GPRC5C: variants seen among roughly 807,000 people sequenced by gnomAD.
GPRC5C encodes the protein G protein-coupled receptor family C group 5 member C.
GPRC5C carries 22 observed loss-of-function variants against 31.4 expected under a neutral mutation model. That is an observed-to-expected ratio of 0.70 (90% CI 0.50 to 1.00). GPRC5C has a LOEUF of 1.00. Ranked by LOEUF, GPRC5C falls within the 50% of genes least tolerant of loss-of-function variation. The probability of loss-of-function intolerance (pLI) is 0.00; values close to 1 mark genes in which losing one functional copy is unlikely to be tolerated. For synonymous variants in GPRC5C, 249 were observed against 257.5 expected (o/e 0.97, Z 0.32); for missense variants, 557 against 597.2 (o/e 0.93, Z 0.70).
At chr17:74,438,181 C>T (rs1181220604) in intron 1 of GPRC5C, among the ~76,000 whole-genome samples, 1 of 135,518 alleles carries the variant, frequency 7.4e-6, no homozygotes, top group Non-Finnish European at 1.5e-5. Context: ...ACTACAGGTG[C>T]ATGCCACCAC....
intron 2 of GPRC5C, 111 bp from the exon 3 acceptor site, chr17:74,443,707 T>A: frequency 1.1e-6 from 1 of 885,494 alleles, no homozygotes; most frequent in South Asian, 1.3e-5. Context: ...AGGGTTGGCC[T>A]GCCCCCTTTA....
chr17:74,432,153 C>T lies in GPRC5C; in HGVS notation c.-33+12C>T. The T allele has an allele frequency of 6.2e-7, 1 of 1,607,310 alleles. No individual in the cohort carries two copies. Among genetic ancestry groups the T allele is most frequent in the Non-Finnish European group, 8.5e-7 (1 of 1,177,206 alleles). Reference sequence around the variant, plus strand: ...GGCTCAGCCTGGAGGTGAGTCGGGGCGGGGAGGGCCGGGCAGGCTTTGTTC... The same window carrying T: ...GGCTCAGCCTGGAGGTGAGTCGGGGTGGGGAGGGCCGGGCAGGCTTTGTTC... On this transcript the variant is annotated intron_variant, in intron 1 of 3. Transcript: ENST00000392627.
intron 3 of GPRC5C, among the ~76,000 whole-genome samples, chr17:74,444,651 G>A (rs1461077195): frequency 2.6e-5 from 4 of 152,152 alleles, no homozygotes; most frequent in Non-Finnish European, 5.9e-5. Flanking sequence ...GGGGAGGTGA[G>A]TGTGGCTGAA....
At chr17:74,435,466 G>A (rs1183044750) in intron 1 of GPRC5C, among the ~76,000 whole-genome samples, 4 of 152,210 alleles carry the variant, frequency 2.6e-5, no homozygotes, top group Non-Finnish European at 5.9e-5. Flanking sequence ...TGTTTCCTCT[G>A]AGGCTGTTAA....
chr17:74,437,610 CA>C (rs1450974724), intron 1 of GPRC5C, among the ~76,000 whole-genome samples: 1 of 143,754 alleles, frequency 7.0e-6, no homozygotes, highest in African/African-American at 2.8e-5. Context: ...TGTTCTTTCA[CA>C]TAACAATTAT....
At chr17:74,447,432 C>A, downstream of GPRC5C, 1 of 888,892 alleles carries the variant, frequency 1.1e-6, no homozygotes, top group Non-Finnish European at 1.4e-6. Flanking sequence ...TTTATTAACT[C>A]TTGCTCTGGG....
chr17:74,443,824 G>A lies in GPRC5C; in HGVS notation c.1058G>A (p.Arg353Lys), dbSNP rs1310127380. ...TTCCTGCTTTTCCTTGTAGCTAAGA[G>A]GCCGGTGTCACCATACAGCGGGTAC... ...FSMDEPVAAK[R>K]PVSPYSGYNG... The change falls in exon 3 of 4, where the codon AGG becomes AAG. Residue 353 changes from arginine to lysine, a missense_variant. Transcript: ENST00000392627. 11 of 1,610,526 alleles carry A rather than the reference G, an allele frequency of 6.8e-6. No homozygotes were observed. Among genetic ancestry groups the A allele is most frequent in the Non-Finnish European group, 9.3e-6 (11 of 1,176,846 alleles).
At position 74,447,360 on chromosome 17, in the gene GPRC5C, CG is replaced by C; in HGVS notation, c.*333del. 1 of 1,070,524 alleles carries C rather than the reference CG, an allele frequency of 9.3e-7. No homozygotes were observed. Among genetic ancestry groups the C allele is most frequent in the Non-Finnish European group, 1.1e-6 (1 of 883,374 alleles). The allele number at this position is 1,070,524 out of a possible 1,614,324, so 66.3% of individuals were successfully genotyped here. ...CTGCAACCTCAAGAGACTTCCCAGG[CG>C]CTCAGGCCTGGATCTTGCTCCTCTG... On this transcript the variant is annotated 3_prime_UTR_variant, in exon 4 of 4. Transcript: ENST00000392627.
In GPRC5C at chr17:74,440,665, A is replaced by G. The variant is rs1288176270; in HGVS notation, c.889A>G (p.Ile297Val). 12 of 1,607,848 alleles carry G rather than the reference A, an allele frequency of 7.5e-6. No individual in the cohort carries two copies. In the Admixed American group the frequency reaches 2.0e-4, roughly 27 times the overall value. ...NAWAFVLFYV[I>V]PEVSQVTKSS... The stretch of plus-strand genomic sequence containing the variant: ...CTGGGCCTTCGTCCTCTTCTACGTC[A>G]TCCCCGAGGTCTCCCAGGTGACCAA... The change falls in exon 2 of 4, where the codon ATC becomes GTC. Residue 297 changes from isoleucine (I) to valine (V), a missense_variant. Coordinates refer to ENST00000392627, the MANE Select transcript of GPRC5C (RefSeq NM_022036.4). The surrounding 1 kb of genome is among the most constrained non-coding windows in gnomAD (Gnocchi z 4.4).
chr17:74,439,723 T>C (rs1217779523), intron 1 of GPRC5C, 22 bp from the exon 2 acceptor site: 1 of 1,572,592 alleles, frequency 6.4e-7, no homozygotes, highest in African/African-American at 1.4e-5. Context: ...ACTAATTTTG[T>C]CCCTTTTCCT....
At position 74,440,298 on chromosome 17, in the gene GPRC5C, G is replaced by T. The variant is rs1246057768; in HGVS notation, c.522G>T (p.Trp174Cys). 6.2e-7 allele frequency: 1 copy of T among 1,614,186 alleles called. No homozygotes were observed. The highest frequency in any genetic ancestry group is 8.5e-7 in the Non-Finnish European group (1 of 1,180,006). ...TAGAGGTCATCATCAATACAGAGTG[G>T]CTGATCATCACCCTGGTTCGGGGCA... Reference protein sequence around the residue: ...TLVEVIINTEWLIITLVRGSG... With the variant: ...TLVEVIINTECLIITLVRGSG... The change falls in exon 2 of 4, where the codon TGG becomes TGT. Residue 174 changes from tryptophan to cysteine, a missense_variant. Coordinates refer to ENST00000392627, the MANE Select transcript of GPRC5C (RefSeq NM_022036.4). The surrounding 1 kb of genome is among the most constrained non-coding windows in gnomAD (Gnocchi z 4.4).
rs2055651679 is a variant in GPRC5C, at chr17:74,447,073, G to A, written c.*45G>A. 3 of 1,579,826 alleles carry A rather than the reference G, an allele frequency of 1.9e-6. No individual in the cohort carries two copies. Among genetic ancestry groups the A allele is most frequent in the African/African-American group, 1.3e-5 (1 of 74,156 alleles). ...GGCGGGCGGATTTGGGGAGGGCCCTGAGGACCTGGCCCCGGGCAAGGGACT... is the reference window on the plus strand; with the variant it reads ...GGCGGGCGGATTTGGGGAGGGCCCTAAGGACCTGGCCCCGGGCAAGGGACT... On this transcript the variant is annotated 3_prime_UTR_variant, in exon 4 of 4. Coordinates refer to ENST00000392627, the MANE Select transcript of GPRC5C (RefSeq NM_022036.4).
intron 1 of GPRC5C, chr17:74,432,427 C>A: frequency 1.8e-6 from 2 of 1,137,682 alleles, no homozygotes; most frequent in Non-Finnish European, 2.2e-6. Flanking sequence ...TGGCCCAGCG[C>A]CCCGCGCCGC....
At chr17:74,449,313 T>C (rs1258729868), downstream of GPRC5C, 11 of 1,293,424 alleles carry the variant, frequency 8.5e-6, no homozygotes, top group Admixed American at 2.3e-5. Flanking sequence ...CCTTTGACTC[T>C]TGTTCTTTCT....
intron 1 of GPRC5C, among the ~76,000 whole-genome samples, chr17:74,437,483 C>T (rs538444522): frequency 2.9e-4 from 44 of 152,274 alleles, no homozygotes; most frequent in South Asian, 1.7e-3. Context: ...ATGGCTAAGA[C>T]GACCTAAATA....
In GPRC5C at chr17:74,439,953, G is replaced by A. The variant is rs1208558799; in HGVS notation, c.177G>A (p.Ala59=). 5.6e-6 allele frequency: 9 copies of A among 1,610,726 alleles called. No individual in the cohort carries two copies. Among genetic ancestry groups the A allele is most frequent in the Non-Finnish European group, 7.6e-6 (9 of 1,179,992 alleles). Residue 59 remains alanine, a synonymous_variant, in exon 2 of 4, where the codon GCG becomes GCA. Coordinates refer to ENST00000392627, the MANE Select transcript of GPRC5C (RefSeq NM_022036.4). The part of the protein sequence containing the change: ...WGIVLEAVAG[A]GIVTTFVLTI... ...TCGTCCTGGAGGCCGTGGCTGGGGCGGGCATTGTCACCACGTTTGTGCTCA... is the reference window on the plus strand; with the variant it reads ...TCGTCCTGGAGGCCGTGGCTGGGGCAGGCATTGTCACCACGTTTGTGCTCA...
At chr17:74,442,516 G>C (rs1337508932) in intron 2 of GPRC5C, among the ~76,000 whole-genome samples, 1 of 152,148 alleles carries the variant, frequency 6.6e-6, no homozygotes, top group Admixed American at 6.5e-5. Context: ...TGGAAATTTG[G>C]GGGTGCCATC....
intron 3 of GPRC5C, chr17:74,445,747 C>T (rs1003071746): frequency 3.3e-5 from 5 of 152,112 alleles, no homozygotes; most frequent in African/African-American, 1.2e-4. Flanking sequence ...AGGAATACAC[C>T]TTTCCTCCAG....
intron 3 of GPRC5C, among the ~76,000 whole-genome samples, chr17:74,444,862 G>C (rs899614032): frequency 6.6e-6 from 1 of 152,180 alleles, no homozygotes; most frequent in African/African-American, 2.4e-5. Context: ...CTTCCTGGGG[G>C]ATGATCTGGA....
Sources: allele counts gnomAD v4.1 joint callset (sites outside exome capture counted in the v4.1 genomes callset), GRCh38; gene constraint gnomAD v4.1.1; non-coding constraint Gnocchi (gnomAD v3.1); transcripts MANE v1.5; gene names NCBI Gene and HGNC (gene_info 2026-07-23, HGNC 2026-07-21).